PAX7: variants seen among roughly 807,000 people sequenced by gnomAD.
PAX7 encodes the protein paired box protein Pax-7.
Under a neutral mutation model 50.7 loss-of-function variants are expected in PAX7, and 18 were observed. The observed-to-expected ratio is 0.36, with a 90% CI of 0.25 to 0.53. PAX7 has a LOEUF of 0.53. Among genes scored for constraint, PAX7 ranks in the 20% least tolerant of loss-of-function variants. The pLI, the probability that PAX7 is intolerant of heterozygous loss-of-function variation, is 0.93. For synonymous variants in PAX7, 310 were observed against 290.4 expected, an observed-to-expected ratio of 1.07 and a Z score of -0.69; for missense variants, 644 against 702.9, an observed-to-expected ratio of 0.92 and a Z score of 0.95.
chr1:18,744,874 G>C lies in PAX7; in HGVS notation c.1463G>C (p.Gly488Ala). Residue 488 changes from glycine to alanine, a missense_variant, in exon 9 of 9, where the codon GGG (glycine) becomes GCG (alanine). Gly to Ala is a moderately conservative substitution (Grantham distance 60). Transcript: ENST00000420770. ...SLSTQRRMKL[G>A]EHSAVLGLLP... ...TCCACCCAGCGTCGCATGAAGCTCG[G>C]GGAGCACTCTGCTGTGCTGGGACTC... 6.4e-7 allele frequency: 1 copy of C among 1,558,704 alleles called. No homozygotes were observed. Among genetic ancestry groups the C allele is most frequent in the Non-Finnish European group, 8.7e-7 (1 of 1,150,976 alleles).
chr1:18,688,415 A>G (rs1369853597), intron 4 of PAX7, among the ~76,000 whole-genome samples: 1 of 152,248 alleles, frequency 6.6e-6, no homozygotes, highest in Admixed American at 6.5e-5. Flanking sequence ...ACGTGTGACT[A>G]TGCAAATTTG....
chr1:18,643,703 G>T (rs2088294422), intron 4 of PAX7, among the ~76,000 whole-genome samples: 1 of 152,238 alleles, frequency 6.6e-6, no homozygotes, highest in Non-Finnish European at 1.5e-5. Flanking sequence ...TTGATCCTTC[G>T]TGGCTTCGCC....
At chr1:18,728,318 C>G (rs2089599466) in intron 7 of PAX7, among the ~76,000 whole-genome samples, 1 of 151,940 alleles carries the variant, frequency 6.6e-6, no homozygotes, top group Non-Finnish European at 1.5e-5. Context: ...CGTTCTCTGT[C>G]TGTTCGTGTT....
chr1:18,673,055 C>G (rs1165758957), intron 4 of PAX7, among the ~76,000 whole-genome samples: 1 of 152,134 alleles, frequency 6.6e-6, no homozygotes, highest in East Asian at 1.9e-4. Context: ...ACTGCCCTCC[C>G]TTAGTGAAAG....
intron 4 of PAX7, among the ~76,000 whole-genome samples, chr1:18,642,473 T>A (rs1375549522): frequency 6.6e-6 from 1 of 152,140 alleles, no homozygotes; most frequent in Non-Finnish European, 1.5e-5. Context: ...TTGAAGGCCA[T>A]GACTAAGGGG....
chr1:18,717,264 G>A (rs540771192), intron 7 of PAX7, among the ~76,000 whole-genome samples: 1 of 152,182 alleles, frequency 6.6e-6, no homozygotes. Flanking sequence ...GCCGCCGCTC[G>A]CTCGTCCAGT....
intron 7 of PAX7, among the ~76,000 whole-genome samples, chr1:18,706,088 G>T (rs960101839): frequency 1.3e-5 from 2 of 152,168 alleles, no homozygotes; most frequent in African/African-American, 4.8e-5. Context: ...TCTGGGTCTT[G>T]TACAAAAGCT....
At chr1:18,697,887 G>T (rs1282396430) in intron 5 of PAX7, among the ~76,000 whole-genome samples, 2 of 138,822 alleles carry the variant, frequency 1.4e-5, no homozygotes, top group African/African-American at 2.6e-5. Flanking sequence ...TGAGGGCTAG[G>T]AGTGGGTCCT....
rs984209950 is a variant in PAX7 at position 18,706,728 on chromosome 1, C to A, written c.1155+3432C>A. 2.0e-5 allele frequency among the ~76,000 whole-genome samples: 3 copies of A among 152,174 alleles called. No individual in the cohort carries two copies. In the East Asian group the frequency reaches 5.8e-4, roughly 29 times the overall value. The stretch of plus-strand genomic sequence containing the variant: ...GAACTCCTGACCTCAGGTGATCCAC[C>A]CACCTTGGCCTCCCAAAGTGCTGGT... On this transcript the variant is annotated intron_variant, in intron 7 of 8. Transcript: ENST00000420770.
intron 7 of PAX7, among the ~76,000 whole-genome samples, chr1:18,724,275 AG>A (rs1217425608): frequency 6.6e-6 from 1 of 152,260 alleles, no homozygotes; most frequent in East Asian, 1.9e-4. Context: ...GGCAGGGCCA[AG>A]CTCACTGGGG....
intron 4 of PAX7, among the ~76,000 whole-genome samples, chr1:18,650,010 GTGT>G (rs1371767730): frequency 6.6e-5 from 10 of 152,198 alleles, no homozygotes; most frequent in Non-Finnish European, 1.3e-4. Flanking sequence ...CTCTGGGCGT[GTGT>G]TTAGTGGAGG....
At chr1:18,736,614 G>A (rs1189271434) in intron 8 of PAX7, among the ~76,000 whole-genome samples, 1 of 152,036 alleles carries the variant, frequency 6.6e-6, no homozygotes, top group Non-Finnish European at 1.5e-5. Context: ...TTTATGCTAT[G>A]TCTTTGACAT....
At chr1:18,696,707 G>A (rs1486006523) in intron 5 of PAX7, among the ~76,000 whole-genome samples, 2 of 152,136 alleles carry the variant, frequency 1.3e-5, no homozygotes, top group African/African-American at 2.4e-5. Flanking sequence ...AGGCAATTGA[G>A]CTCATGGAGA....
chr1:18,691,610 A>G, intron 4 of PAX7, 144 bp from the exon 5 acceptor site: 1 of 671,500 alleles, frequency 1.5e-6, no homozygotes, highest in Non-Finnish European at 2.6e-6. Flanking sequence ...GCATCCTTCT[A>G]TCTTGTGCTT....
At chr1:18,653,768 C>G (rs1276155195) in intron 4 of PAX7, among the ~76,000 whole-genome samples, 1 of 151,976 alleles carries the variant, frequency 6.6e-6, no homozygotes, top group Non-Finnish European at 1.5e-5. Flanking sequence ...AGTCATCTAG[C>G]TGAGAAGCGG....
At chr1:18,640,928 C>T (rs1392868721) in intron 4 of PAX7, among the ~76,000 whole-genome samples, 2 of 152,060 alleles carry the variant, frequency 1.3e-5, no homozygotes, top group Admixed American at 6.5e-5. Flanking sequence ...AGGGGGCTCC[C>T]GGCGAGGGGC....
rs780507978 is a variant in PAX7, at chr1:18,634,419, C to A, written c.202C>A (p.Arg68=). The change falls in exon 2 of 9, where the codon CGG becomes AGG. Residue 68 remains arginine, a synonymous_variant. Coordinates refer to ENST00000420770, the MANE Select transcript of PAX7 (RefSeq NM_001135254.2). The surrounding 1 kb of genome is among the most constrained non-coding windows in gnomAD (Gnocchi z 4.0). The stretch of plus-strand genomic sequence containing the variant: ...AGTGGAGATGGCCCACCATGGCATC[C>A]GGCCCTGTGTCATCTCCCGACAGCT... ...KIVEMAHHGI[R]PCVISRQLRV... 4 of 1,614,222 alleles carry A rather than the reference C, an allele frequency of 2.5e-6. No homozygotes were observed. In the East Asian group the frequency reaches 6.7e-5, roughly 27 times the overall value.
intron 4 of PAX7, among the ~76,000 whole-genome samples, chr1:18,662,887 A>G (rs2088620251): frequency 6.6e-6 from 1 of 150,700 alleles, no homozygotes. Context: ...AGTTCTTTAT[A>G]TTGAAGGAAT....
Position 18,746,400 on chromosome 1 carries a change from G to A in PAX7, c.*1471G>A, listed in dbSNP as rs1931440614. 2 of 230,896 alleles carry A rather than the reference G, an allele frequency of 8.7e-6. No homozygotes were observed. The highest frequency in any genetic ancestry group is 1.2e-4 in the East Asian group (2 of 16,282). The allele number at this position is 230,896 out of a possible 1,614,324, so 14.3% of individuals were successfully genotyped here. On this transcript the variant is annotated 3_prime_UTR_variant, in exon 9 of 9. Transcript: ENST00000420770. The stretch of plus-strand genomic sequence containing the variant: ...CTCCTGAAGTTCCATGCTTTTAAGA[G>A]CTGGGACCTTGGGAGGATGATTCAA...
Sources: gnomAD v4.1 joint callset for allele counts (sites outside exome capture counted in the v4.1 genomes callset) on GRCh38, gnomAD v4.1.1 for gene constraint, Gnocchi (gnomAD v3.1) non-coding constraint, MANE v1.5 for transcripts, NCBI Gene and HGNC (gene_info 2026-07-23, HGNC 2026-07-21) for gene names.